The following COG6 variants were observed in gnomAD, a reference collection of about 807,000 sequenced individuals.
COG6 encodes the protein component of oligomeric golgi complex 6, also known as conserved oligomeric Golgi complex subunit 6.
Under a neutral mutation model 88.8 loss-of-function variants are expected in COG6, and 74 were observed. The ratio of observed to expected loss-of-function variants is 0.83; its 90% confidence interval spans 0.69 to 1.01. The LOEUF is 1.01. Ranked by LOEUF, COG6 falls within the 50% of genes least tolerant of loss-of-function variation. The pLI is 0.00. For missense variants in COG6, 800 were observed against 797.9 expected, an observed-to-expected ratio of 1.00 and a Z score of -0.03; for synonymous variants, 286 against 278.7, an observed-to-expected ratio of 1.03 and a Z score of -0.26.
intron 3 of COG6, 37 bp downstream of exon 3, chr13:39,660,918 A>G (rs761269461): frequency 2.5e-6 from 3 of 1,218,810 alleles, no homozygotes; most frequent in Non-Finnish European, 3.6e-6. Context: ...ATAGTTCCTG[A>G]TATAAACTTA....
At position 39,729,527 on chromosome 13, in the gene COG6, A is replaced by C. The variant is rs187679070; in HGVS notation, c.1826+1979A>C. Among the ~76,000 whole-genome samples, 10 of 152,336 alleles carry C rather than the reference A, an allele frequency of 6.6e-5. No individual in the cohort carries two copies. The East Asian group carries it at 1.9e-3, about 29-fold the overall frequency. On this transcript the variant is annotated intron_variant, in intron 18 of 18. Transcript: ENST00000455146. ...AAATTATTCTTAATATATTATCCTT[A>C]ATATATAGTAAGATCCTATAAATTC...
intron 13 of COG6, among the ~76,000 whole-genome samples, chr13:39,717,862 AAAAAC>A: frequency 1.3e-5 from 2 of 152,274 alleles, no homozygotes; most frequent in Non-Finnish European, 2.9e-5. Context: ...GTCAAAAACA[AAAAAC>A]AAAAACAAAA....
chr13:39,726,983 T>C (rs752566215), intron 17 of COG6, among the ~76,000 whole-genome samples: 1 of 152,032 alleles, frequency 6.6e-6, no homozygotes. Flanking sequence ...ATTATCTGTT[T>C]AACACCTCTC....
intron 13 of COG6, among the ~76,000 whole-genome samples, chr13:39,703,337 G>T (rs972560630): frequency 1.3e-5 from 2 of 151,974 alleles, no homozygotes; most frequent in Non-Finnish European, 2.9e-5. Flanking sequence ...TTGGATTTCT[G>T]TGATTCTAGT....
intron 18 of COG6, among the ~76,000 whole-genome samples, chr13:39,749,673 A>G (rs762353709): frequency 3.9e-5 from 6 of 152,226 alleles, no homozygotes; most frequent in Non-Finnish European, 7.3e-5. Flanking sequence ...CATTAAGAGC[A>G]TTTACAAGTG....
At chr13:39,720,449 A>G (rs1414060726) in intron 15 of COG6, among the ~76,000 whole-genome samples, 1 of 152,076 alleles carries the variant, frequency 6.6e-6, no homozygotes, top group Admixed American at 6.6e-5. Context: ...TAAAAAAACA[A>G]CTCTGAATGT....
At chr13:39,725,583 A>G (rs563622774) in intron 17 of COG6, among the ~76,000 whole-genome samples, 1 of 151,936 alleles carries the variant, frequency 6.6e-6, no homozygotes, top group Non-Finnish European at 1.5e-5. Flanking sequence ...GGAGCTATCT[A>G]TATGATTATT....
At chr13:39,689,339 A>G (rs1360299215) in intron 10 of COG6, among the ~76,000 whole-genome samples, 1 of 152,110 alleles carries the variant, frequency 6.6e-6, no homozygotes, top group Admixed American at 6.5e-5. Context: ...TTCAAGGTAT[A>G]TTTTTCATCT....
chr13:39,660,937 A>G (rs983000239), intron 3 of COG6, 56 bp downstream of exon 3: 1 of 1,015,388 alleles, frequency 9.8e-7, no homozygotes, highest in South Asian at 1.3e-5. Context: ...TACAAAAATT[A>G]TTATTGACAA....
chr13:39,670,634 A>G (rs763239427), intron 4 of COG6, among the ~76,000 whole-genome samples: 5 of 152,136 alleles, frequency 3.3e-5, no homozygotes, highest in African/African-American at 1.2e-4. Flanking sequence ...CATGGCATAC[A>G]TTAAAGACTG....
At chr13:39,768,204 G>C (rs937643985) in intron 18 of COG6, among the ~76,000 whole-genome samples, 6 of 152,300 alleles carry the variant, frequency 3.9e-5, no homozygotes, top group Non-Finnish European at 4.4e-5. Context: ...ACTCTATTAT[G>C]TGCAATTATG....
chr13:39,709,758 A>G (rs182595496), intron 13 of COG6, among the ~76,000 whole-genome samples: 3 of 152,252 alleles, frequency 2.0e-5, no homozygotes, highest in South Asian at 2.1e-4. Context: ...TTATATGTAC[A>G]CACACACCAC....
intron 18 of COG6, among the ~76,000 whole-genome samples, chr13:39,782,668 G>A (rs563974100): frequency 6.6e-5 from 10 of 152,258 alleles, no homozygotes; most frequent in African/African-American, 2.4e-4. Context: ...GATTGTGTTT[G>A]GAGCCACAGT....
rs564482880 is a variant in COG6, at chr13:39,701,247, A to G, written c.1284+1629A>G. Among the ~76,000 whole-genome samples, 5 of 151,948 alleles carry G rather than the reference A, an allele frequency of 3.3e-5. No individual in the cohort carries two copies. The South Asian group carries it at 1.0e-3, about 31-fold the overall frequency. On this transcript the variant is annotated intron_variant, in intron 13 of 18. Coordinates refer to ENST00000455146, the MANE Select transcript of COG6 (RefSeq NM_020751.3). ...AATAATTCCTAGGCTAATCACAAATATCTAGAATGCAGAAAGAGGGTACAA... is the reference window on the plus strand; with the variant it reads ...AATAATTCCTAGGCTAATCACAAATGTCTAGAATGCAGAAAGAGGGTACAA...
At chr13:39,692,018 A>G (rs1014171548) in intron 11 of COG6, among the ~76,000 whole-genome samples, 5 of 152,014 alleles carry the variant, frequency 3.3e-5, no homozygotes, top group Admixed American at 6.6e-5. Flanking sequence ...TTGAGAAACT[A>G]TATATTTGAT....
At chr13:39,697,662 A>C (rs77987169) in intron 12 of COG6, among the ~76,000 whole-genome samples, 1 of 151,700 alleles carries the variant, frequency 6.6e-6, no homozygotes, top group Admixed American at 6.6e-5. Context: ...TCCTGCCCCT[A>C]TCTGATACCC....
At chr13:39,679,822 C>A in intron 6 of COG6, 153 bp from the exon 7 acceptor site, 1 of 677,652 alleles carries the variant, frequency 1.5e-6, no homozygotes, top group South Asian at 1.8e-5. Flanking sequence ...TAAAATGTGA[C>A]ATTTATTTAA....
chr13:39,702,373 A>C (rs1332407130), intron 13 of COG6, among the ~76,000 whole-genome samples: 1 of 151,988 alleles, frequency 6.6e-6, no homozygotes, highest in African/African-American at 2.4e-5. Flanking sequence ...TAGATTAGTC[A>C]CTTTTTAAGT....
At chr13:39,787,961 ATTTCATTTTAT>A (rs1316173590) in intron 18 of COG6, among the ~76,000 whole-genome samples, 19 of 152,130 alleles carry the variant, frequency 1.2e-4, no homozygotes, top group Admixed American at 1.2e-3. Context: ...AACTGTATAT[ATTTCATTTTAT>A]TTTCATTTTA....
Sources: allele counts gnomAD v4.1 joint callset (sites outside exome capture counted in the v4.1 genomes callset), GRCh38; gene constraint gnomAD v4.1.1; transcripts MANE v1.5; gene names NCBI Gene and HGNC (gene_info 2026-07-23, HGNC 2026-07-21).